Variants in YTHDC1 observed in about 807,000 individuals in gnomAD.
YTHDC1 encodes the protein YTH domain-containing protein 1.
In YTHDC1, 12 loss-of-function variants were observed where a neutral mutation model predicts 107.0. The observed-to-expected ratio is 0.11, with a 90% CI of 0.07 to 0.18. YTHDC1 has a LOEUF of 0.18. Ranked by LOEUF, YTHDC1 falls within the 10% of genes least tolerant of loss-of-function variation. The pLI, the probability that YTHDC1 is intolerant of heterozygous loss-of-function variation, is 1.00. For synonymous variants in YTHDC1, 280 were observed against 289.5 expected (o/e 0.97, Z 0.33); for missense variants, 635 against 898.8 (o/e 0.71, Z 3.75).
In YTHDC1 at chr4:68,314,259, C is replaced by A; in HGVS notation, c.2024G>T (p.Arg675Ile). Residue 675 changes from arginine (R) to isoleucine (I), a missense_variant, in exon 17 of 17, where the codon AGA (arginine) becomes ATA (isoleucine). Transcript: ENST00000344157. Reference sequence around the variant, plus strand: ...CCGGTCTCTTTCACGGGGTCTACTTCTCCGGCCACTGACAACAGCTTGTGT... The same window carrying A: ...CCGGTCTCTTTCACGGGGTCTACTTATCCGGCCACTGACAACAGCTTGTGT... ...RRTQAVVSGRRSRPRERDRER... is the reference protein window; with the variant it reads ...RRTQAVVSGRISRPRERDRER... 1 of 1,614,060 alleles carries A rather than the reference C, an allele frequency of 6.2e-7. No homozygotes were observed.
At chr4:68,333,165 T>C in intron 5 of YTHDC1, 143 bp downstream of exon 5, 1 of 646,356 alleles carries the variant, frequency 1.5e-6, no homozygotes, top group Non-Finnish European at 2.7e-6. Context: ...AAAGCTTAGT[T>C]TTCTCTAGAA....
At chr4:68,315,139 A>G (rs1473084904) in intron 16 of YTHDC1, among the ~76,000 whole-genome samples, 1 of 152,214 alleles carries the variant, frequency 6.6e-6, no homozygotes, top group Non-Finnish European at 1.5e-5. Flanking sequence ...GGGAATTTTT[A>G]AGACACCACA....
chr4:68,349,653 G>A lies in YTHDC1; in HGVS notation c.28+73C>T, dbSNP rs554521172. Reference sequence around the variant, plus strand: ...CCAACCCCCACCCCCCACCCCCAACGACGACCACTGCTCCATCACCCCACT... The same window carrying A: ...CCAACCCCCACCCCCCACCCCCAACAACGACCACTGCTCCATCACCCCACT... On this transcript the variant is annotated intron_variant, in intron 1 of 16. Transcript: ENST00000344157. 4.9e-6 allele frequency: 6 copies of A among 1,214,510 alleles called. No homozygotes were observed. The East Asian group carries it at 9.0e-5, about 18-fold the overall frequency. The allele number at this position is 1,214,510 out of a possible 1,614,324, so 75.2% of individuals were successfully genotyped here.
chr4:68,340,767 T>C (rs1375002637), intron 1 of YTHDC1, among the ~76,000 whole-genome samples: 4 of 152,072 alleles, frequency 2.6e-5, no homozygotes, highest in African/African-American at 9.7e-5. Flanking sequence ...AATCACTAGA[T>C]CTTATTCAGA....
At chr4:68,336,052 AG>A (rs1724125338) in intron 4 of YTHDC1, among the ~76,000 whole-genome samples, 1 of 148,160 alleles carries the variant, frequency 6.7e-6, no homozygotes, top group Non-Finnish European at 1.5e-5. Context: ...TATATAGTAT[AG>A]GTAGAGCAGA....
At chr4:68,328,466 G>A (rs957453941) in intron 9 of YTHDC1, among the ~76,000 whole-genome samples, 25 of 152,282 alleles carry the variant, frequency 1.6e-4, no homozygotes, top group Non-Finnish European at 3.1e-4. Flanking sequence ...GAGGAAGTGG[G>A]AGAAAGCACT....
chr4:68,319,698 T>G (rs942545208), intron 12 of YTHDC1, among the ~76,000 whole-genome samples: 1 of 152,134 alleles, frequency 6.6e-6, no homozygotes, highest in Non-Finnish European at 1.5e-5. Context: ...TACCGAGTAT[T>G]TCCCATTCCT....
intron 2 of YTHDC1, 32 bp downstream of exon 2, chr4:68,338,251 A>G: frequency 1.3e-6 from 2 of 1,550,650 alleles, no homozygotes; most frequent in Non-Finnish European, 1.8e-6. Flanking sequence ...TTATACTGTT[A>G]TTTCAACAAA....
rs756562328 is a variant in YTHDC1 at position 68,314,263 on chromosome 4, G to A, written c.2020C>T (p.Arg674Trp). Residue 674 changes from arginine (R) to tryptophan (W), a missense_variant, in exon 17 of 17, where the codon CGG (arginine) becomes TGG (tryptophan). By Grantham distance (101) the Arg-to-Trp change is moderately radical. This residue lies in a region of YTHDC1 where 256 missense variants were observed against 372.9 expected (regional missense o/e 0.69). Coordinates refer to ENST00000344157, the MANE Select transcript of YTHDC1 (RefSeq NM_001031732.4). ...LRRTQAVVSG[R>W]RSRPRERDRE... ...TCTCTTTCACGGGGTCTACTTCTCCGGCCACTGACAACAGCTTGTGTGCGA... is the reference window on the plus strand; with the variant it reads ...TCTCTTTCACGGGGTCTACTTCTCCAGCCACTGACAACAGCTTGTGTGCGA... 8.7e-6 allele frequency: 14 copies of A among 1,613,710 alleles called. No individual in the cohort carries two copies. Among genetic ancestry groups the A allele is most frequent in the African/African-American group, 1.3e-5 (1 of 74,846 alleles).
chr4:68,316,150 G>T, intron 16 of YTHDC1, 164 bp downstream of exon 16: 2 of 751,064 alleles, frequency 2.7e-6, no homozygotes, highest in Non-Finnish European at 2.0e-6. Context: ...AATCCAAAGG[G>T]GCATAATCAG....
intron 11 of YTHDC1, among the ~76,000 whole-genome samples, chr4:68,320,436 T>A (rs1258950597): frequency 6.6e-6 from 1 of 152,174 alleles, no homozygotes; most frequent in African/African-American, 2.4e-5. Context: ...CAACTCATGC[T>A]ATGATGAGAA....
chr4:68,314,041 CAAA>C lies in YTHDC1; in HGVS notation c.*55_*57del. 1 of 1,323,116 alleles carries C rather than the reference CAAA, an allele frequency of 7.6e-7. No individual in the cohort carries two copies. Among genetic ancestry groups the C allele is most frequent in the Non-Finnish European group, 1.0e-6 (1 of 964,712 alleles). The allele number at this position is 1,323,116 out of a possible 1,614,324, so 82.0% of individuals were successfully genotyped here. On this transcript the variant is annotated 3_prime_UTR_variant, in exon 17 of 17. Transcript: ENST00000344157. ...TAAATTTACTACTTGTAAACACACA[CAAA>C]AAAAAAATACAAGATTTTTTGTATC...
At chr4:68,323,478 A>C (rs957393111) in intron 10 of YTHDC1, among the ~76,000 whole-genome samples, 1 of 152,218 alleles carries the variant, frequency 6.6e-6, no homozygotes, top group Non-Finnish European at 1.5e-5. Flanking sequence ...CTGTAATTCC[A>C]GCACTTTGGG....
At chr4:68,327,169 G>T (rs1460616640) in intron 9 of YTHDC1, among the ~76,000 whole-genome samples, 6 of 151,976 alleles carry the variant, frequency 3.9e-5, no homozygotes, top group African/African-American at 1.4e-4. Flanking sequence ...CCGGGAGGCG[G>T]AAGTTGTGGT....
chr4:68,332,919 T>G (rs995559903), intron 5 of YTHDC1, 72 bp from the exon 6 acceptor site: 1 of 1,318,460 alleles, frequency 7.6e-7, no homozygotes, highest in Non-Finnish European at 1.1e-6. Flanking sequence ...TACAGTCTTG[T>G]CACATAAAAT....
intron 7 of YTHDC1, among the ~76,000 whole-genome samples, chr4:68,331,190 A>C (rs973818975): frequency 2.0e-5 from 3 of 152,166 alleles, no homozygotes; most frequent in Admixed American, 1.3e-4. Flanking sequence ...ACTGTGTTTA[A>C]GTTTGTATTT....
At chr4:68,340,778 A>T (rs1422137786) in intron 1 of YTHDC1, among the ~76,000 whole-genome samples, 1 of 152,078 alleles carries the variant, frequency 6.6e-6, no homozygotes, top group Non-Finnish European at 1.5e-5. Flanking sequence ...CTTATTCAGA[A>T]ATATCATCCC....
intron 6 of YTHDC1, 117 bp from the exon 7 acceptor site, chr4:68,332,314 A>C (rs890946947): frequency 1.8e-6 from 1 of 557,170 alleles, no homozygotes; most frequent in Non-Finnish European, 3.0e-6. Context: ...AAAACGCAAC[A>C]ATCACCCATT....
intron 1 of YTHDC1, among the ~76,000 whole-genome samples, chr4:68,345,496 A>G (rs1725307065): frequency 6.6e-6 from 1 of 152,164 alleles, no homozygotes; most frequent in Admixed American, 6.5e-5. Flanking sequence ...CTTGTAATGT[A>G]CGTTGTACAT....
Sources: allele counts gnomAD v4.1 joint callset (sites outside exome capture counted in the v4.1 genomes callset), GRCh38; gene constraint gnomAD v4.1.1; regional missense constraint gnomAD v4.1.1; transcripts MANE v1.5; gene names NCBI Gene and HGNC (gene_info 2026-07-23, HGNC 2026-07-21).